PCM1: variants seen among roughly 807,000 people sequenced by gnomAD.
PCM1 encodes pericentriolar material 1.
In PCM1, 157 loss-of-function variants were observed where a neutral mutation model predicts 241.9. That is an observed-to-expected ratio of 0.65 (90% CI 0.57 to 0.74). PCM1 has a LOEUF of 0.74. Ranked by LOEUF, PCM1 falls within the 30% of genes least tolerant of loss-of-function variation. The probability of loss-of-function intolerance (pLI) is 0.00; values close to 1 mark genes in which losing one functional copy is unlikely to be tolerated. For missense variants in PCM1, 3,478 were observed against 2,360.1 expected (o/e 1.47, Z -9.81); for synonymous variants, 1,085 against 784.9 (o/e 1.38, Z -6.39).
intron 2 of PCM1, chr8:17,927,965 T>C (rs764385061): frequency 1.3e-5 from 2 of 148,734 alleles, no homozygotes; most frequent in Non-Finnish European, 3.0e-5. Context: ...CCACTAAGGC[T>C]GTTAAAAATA....
intron 31 of PCM1, 42 bp from the exon 32 acceptor site, chr8:18,010,567 T>G: frequency 7.0e-7 from 1 of 1,436,054 alleles, no homozygotes. Context: ...ATTATGTATC[T>G]AAGTATGTTG....
intron 29 of PCM1, among the ~76,000 whole-genome samples, chr8:18,003,292 T>C (rs146184405): frequency 3.9e-5 from 6 of 152,354 alleles, no homozygotes; most frequent in Non-Finnish European, 7.4e-5. Flanking sequence ...TTGAGCTCTT[T>C]AGACGCTCTA....
chr8:17,936,263 A>C (rs1420111451), intron 3 of PCM1, among the ~76,000 whole-genome samples: 1 of 152,084 alleles, frequency 6.6e-6, no homozygotes, highest in African/African-American at 2.4e-5. Context: ...GGGTGGGGTG[A>C]GGTGTAAGTA....
chr8:17,966,785 G>A (rs1459743623), intron 20 of PCM1, among the ~76,000 whole-genome samples, 195 bp from the exon 21 acceptor site: 1 of 152,216 alleles, frequency 6.6e-6, no homozygotes, highest in African/African-American at 2.4e-5. Context: ...TCGGACAGAA[G>A]TACTAAGTTC....
At chr8:18,020,012 C>G (rs2093631659) in intron 36 of PCM1, among the ~76,000 whole-genome samples, 1 of 152,194 alleles carries the variant, frequency 6.6e-6, no homozygotes, top group Non-Finnish European at 1.5e-5. Flanking sequence ...TCTCTGCTGG[C>G]TTCCCCCTTG....
At chr8:17,985,859 C>A (rs754757232) in intron 25 of PCM1, 100 bp from the exon 26 acceptor site, 14 of 856,170 alleles carry the variant, frequency 1.6e-5, no homozygotes, top group Non-Finnish European at 2.4e-5. Flanking sequence ...AGAAACAGTA[C>A]ATTTTTCCTT....
intron 21 of PCM1, 143 bp downstream of exon 21, chr8:17,967,313 T>A (rs1353088969): frequency 1.3e-5 from 8 of 628,772 alleles, no homozygotes; most frequent in Non-Finnish European, 2.1e-5. Context: ...CTCTTTTTTT[T>A]TTTTTTCTTT....
At chr8:17,935,141 C>T (rs2060066695) in intron 2 of PCM1, among the ~76,000 whole-genome samples, 1 of 152,188 alleles carries the variant, frequency 6.6e-6, no homozygotes, top group Non-Finnish European at 1.5e-5. Flanking sequence ...CAGAGCAGTT[C>T]TCCCGTCTTT....
At chr8:17,965,856 C>T (rs967779333) in intron 18 of PCM1, 143 bp from the exon 19 acceptor site, 18 of 576,616 alleles carry the variant, frequency 3.1e-5, no homozygotes, top group African/African-American at 2.8e-4. Context: ...ACTTCTCCCC[C>T]CTCTATATTT....
intron 29 of PCM1, among the ~76,000 whole-genome samples, chr8:18,000,227 C>G (rs1448540193): frequency 1.3e-5 from 2 of 152,006 alleles, no homozygotes; most frequent in Non-Finnish European, 2.9e-5. Context: ...GAGGGAAAGT[C>G]TATATGGTTG....
At chr8:17,989,106 C>T (rs1021220947) in intron 26 of PCM1, among the ~76,000 whole-genome samples, 1 of 151,876 alleles carries the variant, frequency 6.6e-6, no homozygotes, top group African/African-American at 2.4e-5. Context: ...ACTGTGCAGC[C>T]ATTAAAAAAT....
At chr8:17,928,752 C>T (rs867107730) in intron 2 of PCM1, among the ~76,000 whole-genome samples, 7 of 151,456 alleles carry the variant, frequency 4.6e-5, no homozygotes, top group African/African-American at 1.7e-4. Flanking sequence ...CTGCCTCAGC[C>T]TCTCTTGTAG....
intron 1 of PCM1, among the ~76,000 whole-genome samples, chr8:17,924,104 C>G (rs1202959032): frequency 1.3e-5 from 2 of 151,988 alleles, no homozygotes; most frequent in Non-Finnish European, 2.9e-5. Flanking sequence ...GCCCCTACCA[C>G]CCCCGCCCCA....
rs374444830 is a variant in PCM1 at position 17,978,000 on chromosome 8, TAGTGAA to T, written c.3944-2589_3944-2584del. Among the ~76,000 whole-genome samples, 815 of 152,194 alleles carry T rather than the reference TAGTGAA, an allele frequency of 5.4e-3. 7 individuals are homozygous for T. Among genetic ancestry groups the T allele is most frequent in the African/African-American group, 0.018 (757 of 41,518 alleles). On this transcript the variant is annotated intron_variant, in intron 23 of 38. Transcript: ENST00000325083. ...GTAGACCACTGAAAGAGGCAAAACC[TAGTGAA>T]AATAGAATTATTGAACAAAATATTG...
intron 29 of PCM1, among the ~76,000 whole-genome samples, chr8:17,999,077 A>G (rs1023940252): frequency 1.8e-4 from 27 of 152,274 alleles, no homozygotes; most frequent in African/African-American, 6.0e-4. Context: ...GGGCAGGTCC[A>G]GAAATGCTGT....
At chr8:17,999,376 G>GTT (rs2088321063) in intron 29 of PCM1, among the ~76,000 whole-genome samples, 1 of 152,082 alleles carries the variant, frequency 6.6e-6, no homozygotes, top group Admixed American at 6.6e-5. Flanking sequence ...ATTAAGCCAA[G>GTT]ATTAATCCTT....
Position 17,956,516 on chromosome 8 carries a change from T to G in PCM1, c.1473-88T>G, listed in dbSNP as rs921792807. 18 of 801,332 alleles carry G rather than the reference T, an allele frequency of 2.2e-5. No homozygotes were observed. In the South Asian group the frequency reaches 3.0e-4, roughly 14 times the overall value. The allele number at this position is 801,332 out of a possible 1,614,324, so 49.6% of individuals were successfully genotyped here. ...TATTCCATTAGGTCTAAATTTTGTT[T>G]CTGTTAGCTGCTATGATATGAAAAT... On this transcript the variant is annotated intron_variant, in intron 10 of 38. Transcript: ENST00000325083.
intron 36 of PCM1, 51 bp from the exon 37 acceptor site, chr8:18,025,310 A>G (rs1000014797): frequency 1.1e-6 from 1 of 946,382 alleles, no homozygotes; most frequent in African/African-American, 1.7e-5. Context: ...CTTTACATGG[A>G]TGACTGGTTT....
In PCM1 at chr8:17,955,620, A is replaced by C. The variant is rs931370422; in HGVS notation, c.1439A>C (p.Asn480Thr). ...CTAGTATCTCAGAATGAGAGTGAAA[A>C]CGAAGGCCACCTCAATCCATCTGAA... ...ASLVSQNESE[N>T]EGHLNPSEKL... Residue 480 changes from asparagine (N) to threonine (T), a missense_variant, in exon 10 of 39, where the codon AAC becomes ACC. By Grantham distance (65) the Asn-to-Thr change is moderately conservative. Transcript: ENST00000325083. The C allele has an allele frequency of 1.2e-6, 2 of 1,613,520 alleles. No individual in the cohort carries two copies. The highest frequency in any genetic ancestry group is 2.7e-5 in the African/African-American group (2 of 74,896).
Sources: gnomAD v4.1 joint callset for allele counts (sites outside exome capture counted in the v4.1 genomes callset) on GRCh38, gnomAD v4.1.1 for gene constraint, MANE v1.5 for transcripts, NCBI Gene and HGNC (gene_info 2026-07-23, HGNC 2026-07-21) for gene names.